OR2AT4: variants seen among roughly 807,000 people sequenced by gnomAD.
OR2AT4 encodes olfactory receptor family 2 subfamily AT member 4.
Under a neutral mutation model 10.3 loss-of-function variants are expected in OR2AT4, and 6 were observed. That is an observed-to-expected ratio of 0.58 (90% CI 0.32 to 1.15). The LOEUF is 1.15. Among genes scored for constraint, OR2AT4 ranks in the 50% most tolerant of loss-of-function variants. The probability of loss-of-function intolerance (pLI) is 0.05; values close to 1 mark genes in which losing one functional copy is unlikely to be tolerated. For synonymous variants in OR2AT4, 145 were observed against 159.1 expected (o/e 0.91, Z 0.67); for missense variants, 354 against 393.8 (o/e 0.90, Z 0.85).
chr11:75,093,475 C>G (rs1434389812), intron 1 of OR2AT4, among the ~76,000 whole-genome samples: 1 of 152,212 alleles, frequency 6.6e-6, no homozygotes, highest in East Asian at 1.9e-4. Flanking sequence ...TGTTCTCCCC[C>G]TGTCAAGGAA....
exon 2 of OR2AT4, chr11:75,086,629 A>T (rs889372603): frequency 6.6e-6 from 1 of 152,244 alleles, no homozygotes; most frequent in African/African-American, 2.4e-5. Flanking sequence ...TTAAATTACA[A>T]CCACAATAAG....
exon 2 of OR2AT4, chr11:75,089,497 T>G (rs765225617): frequency 6.2e-7 from 1 of 1,613,746 alleles, no homozygotes; most frequent in Non-Finnish European, 8.5e-7. Flanking sequence ...ATGTCCAAGG[T>G]GGAGAGATTG....
exon 2 of OR2AT4, chr11:75,083,261 AAAG>A (rs1949274326): frequency 1.3e-5 from 2 of 152,264 alleles, no homozygotes; most frequent in Non-Finnish European, 2.9e-5. Flanking sequence ...ACACTTCTAA[AAAG>A]AAGACATATA....
intron 1 of OR2AT4, among the ~76,000 whole-genome samples, chr11:75,094,295 G>A (rs1949335497): frequency 6.6e-6 from 1 of 151,904 alleles, no homozygotes; most frequent in Admixed American, 6.6e-5. Flanking sequence ...TTTTCATGAG[G>A]GGAGAGACTG....
exon 2 of OR2AT4, chr11:75,087,571 G>C (rs1949296706): frequency 6.6e-6 from 1 of 152,192 alleles, no homozygotes. Context: ...CTGGGTGACA[G>C]AGCAAGGCCT....
At chr11:75,092,615 A>G (rs1565515017) in intron 1 of OR2AT4, among the ~76,000 whole-genome samples, 4 of 152,166 alleles carry the variant, frequency 2.6e-5, no homozygotes, top group African/African-American at 9.7e-5. Context: ...TTCTGTCACC[A>G]TGGATTAAAT....
At chr11:75,089,212 T>C (rs1777323547) in exon 2 of OR2AT4, 7 of 1,613,896 alleles carry the variant, frequency 4.3e-6, no homozygotes, top group Non-Finnish European at 5.9e-6. Flanking sequence ...ATCTGGGAGG[T>C]CCTTACTACT....
intron 1 of OR2AT4, among the ~76,000 whole-genome samples, chr11:75,093,784 CTTTTCTTTTTTTTCTTTTTCT>C (rs1949331636): frequency 1.6e-4 from 19 of 121,930 alleles, no homozygotes; most frequent in Admixed American, 6.5e-4. Flanking sequence ...TTCCTTTTCT[CTTTTCTTTTTTTTCTTTTTCT>C]TTTTCTTTTT....
exon 2 of OR2AT4, chr11:75,089,015 G>C: frequency 6.2e-7 from 1 of 1,614,188 alleles, no homozygotes; most frequent in African/African-American, 1.3e-5. Context: ...CTAGGGAACT[G>C]ATGCGAAGCA....
chr11:75,089,976 T>C, exon 2 of OR2AT4: 1 of 439,098 alleles, frequency 2.3e-6, no homozygotes, highest in Non-Finnish European at 4.0e-6. Context: ...TCTGTATGCT[T>C]TGTTTAGGTG....
At chr11:75,090,420 G>A (rs1427506181) in intron 1 of OR2AT4, 56 bp from the exon 2 acceptor site, 1 of 152,216 alleles carries the variant, frequency 6.6e-6, no homozygotes, top group African/African-American at 2.4e-5. Flanking sequence ...AATGATTAGG[G>A]AAACCTGGAT....
At chr11:75,088,335 T>A (rs1432187430) in exon 2 of OR2AT4, 1 of 153,562 alleles carries the variant, frequency 6.5e-6, no homozygotes, top group Non-Finnish European at 1.4e-5. Flanking sequence ...CTAATCTGAT[T>A]AAGTGAAAAA....
exon 2 of OR2AT4, chr11:75,089,427 A>G: frequency 6.2e-7 from 1 of 1,614,118 alleles, no homozygotes; most frequent in Non-Finnish European, 8.5e-7. Context: ...AAAGCTGAGG[A>G]AGCGGTCCCC....
exon 2 of OR2AT4, chr11:75,081,878 GA>G (rs1949268917): frequency 6.6e-6 from 1 of 152,202 alleles, no homozygotes; most frequent in East Asian, 1.9e-4. Context: ...AACTATAGAT[GA>G]AACAAAGAAA....
exon 2 of OR2AT4, chr11:75,085,288 G>C (rs2140278039): frequency 6.6e-6 from 1 of 151,880 alleles, no homozygotes; most frequent in Middle Eastern, 3.4e-3. Context: ...TTCTTAAAAG[G>C]CAGAAATTAT....
intron 1 of OR2AT4, among the ~76,000 whole-genome samples, chr11:75,093,797 TC>T (rs1565515280): frequency 1.6e-4 from 17 of 108,860 alleles, no homozygotes; most frequent in Admixed American, 3.2e-4. Context: ...TTCTTTTTTT[TC>T]TTTTTCTTTT....
chr11:75,085,460 A>C (rs1040751245), exon 2 of OR2AT4: 1 of 152,098 alleles, frequency 6.6e-6, no homozygotes, highest in Non-Finnish European at 1.5e-5. Context: ...ATTCTATACA[A>C]TGTTTTTGAG....
At chr11:75,095,308 A>T (rs1949341764) in intron 1 of OR2AT4, among the ~76,000 whole-genome samples, 1 of 152,186 alleles carries the variant, frequency 6.6e-6, no homozygotes, top group African/African-American at 2.4e-5. Flanking sequence ...TCCTTATTCT[A>T]GTCAAATGGC....
chr11:75,090,571 T>A (rs1949316471), intron 1 of OR2AT4, among the ~76,000 whole-genome samples: 1 of 152,198 alleles, frequency 6.6e-6, no homozygotes, highest in Non-Finnish European at 1.5e-5. Flanking sequence ...AATATTTGAT[T>A]TGGGGACCAT....
Sources: gnomAD v4.1 joint callset for allele counts (sites outside exome capture counted in the v4.1 genomes callset) on GRCh38, gnomAD v4.1.1 for gene constraint, MANE v1.5 for transcripts, NCBI Gene and HGNC (gene_info 2026-07-23, HGNC 2026-07-21) for gene names.